PIANP: variants seen among roughly 807,000 people sequenced by gnomAD.
The protein encoded by PIANP is PILR alpha associated neural protein, also known as PILR alpha-associated neural protein.
A neutral mutation model predicts 28.9 loss-of-function variants in PIANP; 14 were observed. The observed-to-expected ratio is 0.49, with a 90% CI of 0.32 to 0.76. The LOEUF is 0.76. PIANP is among the 30% of genes least tolerant of loss of function. The pLI, the probability that PIANP is intolerant of heterozygous loss-of-function variation, is 0.03. For missense variants in PIANP, 322 were observed against 371.8 expected, an observed-to-expected ratio of 0.87 and a Z score of 1.10; for synonymous variants, 149 against 156.6, an observed-to-expected ratio of 0.95 and a Z score of 0.36.
In PIANP at chr12:6,695,538, C is replaced by T; in HGVS notation, c.719G>A (p.Gly240Glu). 2 of 1,593,126 alleles carry T rather than the reference C, an allele frequency of 1.3e-6. No homozygotes were observed. The highest frequency in any genetic ancestry group is 1.1e-5 in the South Asian group (1 of 87,002). Residue 240 changes from glycine to glutamate, a missense_variant, in exon 5 of 5, where the codon GGG (glycine) becomes GAG (glutamate). Coordinates refer to ENST00000534837, the MANE Select transcript of PIANP (RefSeq NM_001244014.2). This position sits in a 1 kb window ranked among gnomAD's most constrained non-coding sequence, Gnocchi z 4.2. ...DLSPAGVTVL[G>E]AFGDSPTPTP... is the part of the protein sequence containing the mutation. Reference sequence around the variant, plus strand: ...GGGGGTAGGTGAGTCCCCGAAGGCCCCCAGCACAGTGACTCCAGCCGGGGA... The same window carrying T: ...GGGGGTAGGTGAGTCCCCGAAGGCCTCCAGCACAGTGACTCCAGCCGGGGA...
Position 6,696,493 on chromosome 12 carries a change from G to T in PIANP, c.555C>A (p.Thr185=), listed in dbSNP as rs769647374. 6.2e-7 allele frequency: 1 copy of T among 1,603,058 alleles called. No homozygotes were observed. Among genetic ancestry groups the T allele is most frequent in the Non-Finnish European group, 8.5e-7 (1 of 1,175,214 alleles). Residue 185 remains threonine, a synonymous_variant, in exon 4 of 5, where the codon ACC becomes ACA. Transcript: ENST00000534837. The surrounding 1 kb of genome is among the most constrained non-coding windows in gnomAD (Gnocchi z 4.0). ...CCACGAGAACAATGATGATGGAGAT[G>T]GTAATTGTGACATAGAGCTGGGGGT... The part of the protein sequence containing the change: ...GVDPQLYVTI[T]ISIIIVLVAT...
downstream of PIANP, among the ~76,000 whole-genome samples, chr12:6,692,484 T>A (rs1277307897): frequency 1.3e-5 from 2 of 152,148 alleles, no homozygotes; most frequent in Non-Finnish European, 2.9e-5. Flanking sequence ...AAGCTTCCTA[T>A]CCCACCCTCC....
chr12:6,696,374 T>C lies in PIANP; in HGVS notation c.605+69A>G. 1.7e-6 allele frequency: 2 copies of C among 1,162,108 alleles called. No homozygotes were observed. Among genetic ancestry groups the C allele is most frequent in the Non-Finnish European group, 1.2e-6 (1 of 841,428 alleles). 72.0% of individuals were successfully genotyped at this position (1,162,108 alleles called of 1,614,324 possible). A position where few individuals can be genotyped will look rare whatever the true frequency, so the allele number is the denominator to read the frequency against. On this transcript the variant is annotated intron_variant, in intron 4 of 4. Transcript: ENST00000534837. This position sits in a 1 kb window ranked among gnomAD's most constrained non-coding sequence, Gnocchi z 4.0. ...CCAGCAAAATTGCTGCCACTGCCCC[T>C]CGTGGTTAGAGCCTCGACTGCCAAA...
In PIANP at chr12:6,695,759, T is replaced by C. The variant is rs79241918; in HGVS notation, c.606-108A>G. The C allele has an allele frequency of 0.012, 15,048 of 1,242,998 alleles. 162 individuals carry two copies. Among genetic ancestry groups the C allele is most frequent in the Middle Eastern group, 0.024 (112 of 4,696 alleles). The allele number at this position is 1,242,998 out of a possible 1,614,324, so 77.0% of individuals were successfully genotyped here. ...TCGCCCAGTCACTCCCAACATCTTA[T>C]AGCAGAGAAACTGGCCTTTAACAGT... On this transcript the variant is annotated intron_variant, in intron 4 of 4. Transcript: ENST00000534837. The surrounding 1 kb of genome is among the most constrained non-coding windows in gnomAD (Gnocchi z 4.2).
In PIANP at chr12:6,694,806, C is replaced by A; in HGVS notation, c.*620G>T. ...TGTGCAAGGCTTTCATGTGAGTGCACAAGGGTGGGGACAGGGACCCGAAGT... is the reference window on the plus strand; with the variant it reads ...TGTGCAAGGCTTTCATGTGAGTGCAAAAGGGTGGGGACAGGGACCCGAAGT... On this transcript the variant is annotated 3_prime_UTR_variant, in exon 5 of 5. Transcript: ENST00000534837. The surrounding 1 kb of genome is among the most constrained non-coding windows in gnomAD (Gnocchi z 6.1). The A allele has an allele frequency of 3.9e-6, 2 of 514,646 alleles. No individual in the cohort carries two copies. The highest frequency in any genetic ancestry group is 6.9e-6 in the Non-Finnish European group (2 of 288,454). The allele number at this position is 514,646 out of a possible 1,614,324, so 31.9% of individuals were successfully genotyped here.
chr12:6,695,185 A>T lies in PIANP; in HGVS notation c.*241T>A. On this transcript the variant is annotated 3_prime_UTR_variant, in exon 5 of 5. Coordinates refer to ENST00000534837, the MANE Select transcript of PIANP (RefSeq NM_001244014.2). The surrounding 1 kb of genome is among the most constrained non-coding windows in gnomAD (Gnocchi z 4.2). Reference sequence around the variant, plus strand: ...GTTGTCTTAGACAAGGTGGCATGAGAAAAAACCAAAGAGGGCAGAGTTGGA... The same window carrying T: ...GTTGTCTTAGACAAGGTGGCATGAGTAAAAACCAAAGAGGGCAGAGTTGGA... The T allele has an allele frequency of 6.8e-7, 1 of 1,460,400 alleles. No homozygotes were observed. Among genetic ancestry groups the T allele is most frequent in the Non-Finnish European group, 9.1e-7 (1 of 1,098,950 alleles). The allele number at this position is 1,460,400 out of a possible 1,614,324, so 90.5% of individuals were successfully genotyped here.
At chr12:6,698,817 G>A (rs532043547) in intron 1 of PIANP, among the ~76,000 whole-genome samples, 1 of 152,334 alleles carries the variant, frequency 6.6e-6, no homozygotes, top group African/African-American at 2.4e-5. Context: ...AAAGAATCCT[G>A]GGAAAATCGG....
chr12:6,693,036 A>G (rs1219675488), downstream of PIANP, among the ~76,000 whole-genome samples: 2 of 152,142 alleles, frequency 1.3e-5, no homozygotes, highest in Admixed American at 1.3e-4. Context: ...GAGGGGGGAT[A>G]GATGGGACCT....
chr12:6,698,333 T>C, intron 1 of PIANP: 1 of 575,778 alleles, frequency 1.7e-6, no homozygotes, highest in East Asian at 3.0e-5. Flanking sequence ...CTGTTACCTC[T>C]CCACCCCAGG....
chr12:6,697,557 C>T lies in PIANP; in HGVS notation c.253G>A (p.Ala85Thr), dbSNP rs1378039097. ...RSRRQVLPGT[A>T]PPATPSGFEE... Reference sequence around the variant, plus strand: ...AAGCCTGATGGGGTGGCTGGGGGTGCAGTGCCAGGCAGGACTTGCCGACGT... The same window carrying T: ...AAGCCTGATGGGGTGGCTGGGGGTGTAGTGCCAGGCAGGACTTGCCGACGT... The change falls in exon 3 of 5, where the codon GCA (alanine) becomes ACA (threonine). Residue 85 changes from alanine (A) to threonine (T), a missense_variant. Physicochemically the swap from Ala to Thr is moderately conservative, Grantham distance 58 (BLOSUM62 0). Coordinates refer to ENST00000534837, the MANE Select transcript of PIANP (RefSeq NM_001244014.2). This position sits in a 1 kb window ranked among gnomAD's most constrained non-coding sequence, Gnocchi z 6.9. The T allele has an allele frequency of 1.9e-6, 3 of 1,602,766 alleles. No individual in the cohort carries two copies. The South Asian group carries it at 3.4e-5, about 18-fold the overall frequency.
At chr12:6,698,487 G>C (rs1592450691) in intron 1 of PIANP, 1 of 254,212 alleles carries the variant, frequency 3.9e-6, no homozygotes, top group East Asian at 1.1e-4. Context: ...GGTAGGGGGA[G>C]GGATGGGGAA....
chr12:6,698,579 T>A (rs1463729176), intron 1 of PIANP: 1 of 149,548 alleles, frequency 6.7e-6, no homozygotes, highest in Non-Finnish European at 1.4e-5. Context: ...CCTCTGGCAG[T>A]GCCAGGCATT....
At chr12:6,698,812 A>C (rs2137712759) in intron 1 of PIANP, among the ~76,000 whole-genome samples, 1 of 152,324 alleles carries the variant, frequency 6.6e-6, no homozygotes, top group Admixed American at 6.5e-5. Flanking sequence ...TGGGTAAAGA[A>C]TCCTGGGAAA....
chr12:6,698,090 G>A lies in PIANP; in HGVS notation c.-29C>T. The A allele has an allele frequency of 6.4e-7, 1 of 1,562,038 alleles. No homozygotes were observed. On this transcript the variant is annotated 5_prime_UTR_variant, in exon 2 of 5. Transcript: ENST00000534837. ...TGAGGTCTTCCTCAGCTGTGACCCA[G>A]ATTTTCAGCCTTTACTGGGAGAAAA... is the stretch of plus-strand genomic sequence containing the variant.
chr12:6,692,929 T>C (rs1592445417), downstream of PIANP, among the ~76,000 whole-genome samples: 1 of 152,124 alleles, frequency 6.6e-6, no homozygotes, highest in South Asian at 2.1e-4. Context: ...GCATATCCAG[T>C]CCAGAGCAGC....
chr12:6,697,347 G>T lies in PIANP; in HGVS notation c.463C>A (p.Leu155Ile), dbSNP rs1193722911. 1 of 1,614,036 alleles carries T rather than the reference G, an allele frequency of 6.2e-7. No individual in the cohort carries two copies. The highest frequency in any genetic ancestry group is 1.3e-5 in the African/African-American group (1 of 75,064). The change falls in exon 3 of 5, where the codon CTT (leucine) becomes ATT (isoleucine). Residue 155 changes from leucine (L) to isoleucine (I), a missense_variant. Physicochemically the swap from Leu to Ile is conservative, Grantham distance 5 (BLOSUM62 2). Coordinates refer to ENST00000534837, the MANE Select transcript of PIANP (RefSeq NM_001244014.2). This position sits in a 1 kb window ranked among gnomAD's most constrained non-coding sequence, Gnocchi z 6.9. ...SDSMRGDGDG[L>I]ILGEAPATLR... ...GTGGCAGGTGCCTCTCCAAGGATAA[G>T]CCCATCTCCATCACCTCGCATGGAG...
In PIANP at chr12:6,697,469, C is replaced by G; in HGVS notation, c.341G>C (p.Arg114Pro). ...AGAGTTGGGGTCCCCTCCATCCTCT[C>G]GAGACACGGTGGGACCCCACACGAT... ...WAIVWGPTVS[R>P]EDGGDPNSAN... Residue 114 changes from arginine (R) to proline (P), a missense_variant, in exon 3 of 5, where the codon CGA becomes CCA. Physicochemically the swap from Arg to Pro is moderately radical, Grantham distance 103. Transcript: ENST00000534837. This position sits in a 1 kb window ranked among gnomAD's most constrained non-coding sequence, Gnocchi z 6.9. The G allele has an allele frequency of 6.2e-7, 1 of 1,614,020 alleles. No individual in the cohort carries two copies. The highest frequency in any genetic ancestry group is 8.5e-7 in the Non-Finnish European group (1 of 1,179,894).
rs771361758 is a variant in PIANP, at chr12:6,697,409, G to A, written c.401C>T (p.Ala134Val). 1.2e-6 allele frequency: 2 copies of A among 1,613,940 alleles called. No homozygotes were observed. Among genetic ancestry groups the A allele is most frequent in the Non-Finnish European group, 1.7e-6 (2 of 1,179,902 alleles). ...NPGFLDYGFA[A>V]PHGLATPHPN... is the part of the protein sequence containing the mutation. Reference sequence around the variant, plus strand: ...GTGTGGGGTTGCGAGCCCATGAGGGGCTGCAAAACCATAGTCCAGAAATCC... The same window carrying A: ...GTGTGGGGTTGCGAGCCCATGAGGGACTGCAAAACCATAGTCCAGAAATCC... Residue 134 changes from alanine to valine, a missense_variant, in exon 3 of 5, where the codon GCC becomes GTC. Transcript: ENST00000534837. This position sits in a 1 kb window ranked among gnomAD's most constrained non-coding sequence, Gnocchi z 6.9.
At position 6,697,602 on chromosome 12, in the gene PIANP, A is replaced by G; in HGVS notation, c.208T>C (p.Ser70Pro). The change falls in exon 3 of 5, where the codon TCT becomes CCT. Residue 70 changes from serine to proline, a missense_variant. Physicochemically the swap from Ser to Pro is moderately conservative, Grantham distance 74. Transcript: ENST00000534837. The surrounding 1 kb of genome is among the most constrained non-coding windows in gnomAD (Gnocchi z 6.9). ...VWERAPPPSR[S>P]PRVPRSRRQV... ...CGACGTGATCTTGGGACCCGAGGAG[A>G]TCGGCTTGGTGGAGGTGCTCGCTCC... 1 of 1,575,210 alleles carries G rather than the reference A, an allele frequency of 6.3e-7. No individual in the cohort carries two copies. The highest frequency in any genetic ancestry group is 8.6e-7 in the Non-Finnish European group (1 of 1,160,700).
Sources: gnomAD v4.1 joint callset for allele counts (sites outside exome capture counted in the v4.1 genomes callset) on GRCh38, gnomAD v4.1.1 for gene constraint, Gnocchi (gnomAD v3.1) non-coding constraint, MANE v1.5 for transcripts, NCBI Gene and HGNC (gene_info 2026-07-23, HGNC 2026-07-21) for gene names.